Variants in MAPK14 observed in about 807,000 individuals in gnomAD.
MAPK14 encodes the protein CSAID-binding protein.
Under a neutral mutation model 49.6 loss-of-function variants are expected in MAPK14, and 16 were observed. The ratio of observed to expected loss-of-function variants is 0.32; its 90% CI spans 0.22 to 0.49. The LOEUF is 0.49. Among genes scored for constraint, MAPK14 ranks in the 20% least tolerant of loss-of-function variants. The pLI is 0.99. For synonymous variants in MAPK14, 142 were observed against 158.0 expected (o/e 0.90, Z 0.76); for missense variants, 200 against 441.2 (o/e 0.45, Z 4.90).
chr6:36,064,427 T>C (rs951015804), intron 3 of MAPK14, among the ~76,000 whole-genome samples: 1 of 152,216 alleles, frequency 6.6e-6, no homozygotes, highest in Admixed American at 6.5e-5. Flanking sequence ...CTTTTTCCTT[T>C]ATTTTACAAG....
At chr6:36,111,879 G>A (rs564779553), downstream of MAPK14, among the ~76,000 whole-genome samples, 1 of 152,144 alleles carries the variant, frequency 6.6e-6, no homozygotes, top group Non-Finnish European at 1.5e-5. Context: ...AAAGGGCCCC[G>A]GTTGTTACAT....
chr6:36,113,925 T>A (rs1480835872), downstream of MAPK14, among the ~76,000 whole-genome samples: 1 of 152,232 alleles, frequency 6.6e-6, no homozygotes, highest in Non-Finnish European at 1.5e-5. Flanking sequence ...ACCAGTACTT[T>A]GTAGCGGCAT....
intron 1 of MAPK14, among the ~76,000 whole-genome samples, chr6:36,052,389 C>T (rs1460464032): frequency 6.6e-6 from 1 of 152,162 alleles, no homozygotes; most frequent in Non-Finnish European, 1.5e-5. Flanking sequence ...CCTCATACAA[C>T]CACAGAGTTG....
the MAPK14 span, among the ~76,000 whole-genome samples, chr6:36,118,249 G>A: frequency 1.7e-4 from 26 of 152,170 alleles, no homozygotes; most frequent in Admixed American, 3.9e-4. Flanking sequence ...AAGATAATTG[G>A]AAGGCATTAT....
intron 9 of MAPK14, among the ~76,000 whole-genome samples, chr6:36,099,252 A>G (rs1765552073): frequency 6.6e-6 from 1 of 152,276 alleles, no homozygotes; most frequent in Admixed American, 6.5e-5. Flanking sequence ...TACATTGAAT[A>G]TTTTTAAAAT....
rs141740563 is a variant in MAPK14 at position 36,075,898 on chromosome 6, C to T, written c.546C>T (p.Tyr182=). The T allele has an allele frequency of 2.7e-5, 44 of 1,613,816 alleles. No homozygotes were observed. The highest frequency in any genetic ancestry group is 1.1e-4 in the East Asian group (5 of 44,886). ...ARHTDDEMTG[Y]VATRWYRAPE... The stretch of plus-strand genomic sequence containing the variant: ...ACACAGATGATGAAATGACAGGCTA[C>T]GTGGCCACTAGGTGGTACAGGGCTC... The change falls in exon 7 of 12, where the codon TAC becomes TAT. Residue 182 remains tyrosine (Y), a synonymous_variant. Transcript: ENST00000229794.
At chr6:36,038,581 A>C (rs1194703579) in intron 1 of MAPK14, among the ~76,000 whole-genome samples, 1 of 152,156 alleles carries the variant, frequency 6.6e-6, no homozygotes, top group Admixed American at 6.5e-5. Context: ...TTCCTTACCC[A>C]TTCTACCCTA....
chr6:36,054,746 G>C (rs150408196), intron 2 of MAPK14, among the ~76,000 whole-genome samples: 1 of 152,144 alleles, frequency 6.6e-6, no homozygotes, highest in Admixed American at 6.5e-5. Context: ...CAAAACTTCC[G>C]GTAAGTTTAA....
At position 36,052,810 on chromosome 6, in the gene MAPK14, A is replaced by G. The variant is rs1227984424; in HGVS notation, c.228A>G (p.Lys76=). 6.2e-7 allele frequency: 1 copy of G among 1,607,122 alleles called. No homozygotes were observed. The highest frequency in any genetic ancestry group is 1.7e-5 in the Admixed American group (1 of 58,388). The change falls in exon 2 of 12, where the codon AAA becomes AAG. Residue 76 remains lysine (K), a synonymous_variant. Coordinates refer to ENST00000229794, the MANE Select transcript of MAPK14 (RefSeq NM_139012.3). ...CCTACAGAGAACTGCGGTTACTTAA[A>G]CATATGAAACATGAAAATGTAAGTT... ...KRTYRELRLL[K]HMKHENVIGL...
rs780028000 is a variant in MAPK14 at position 36,096,069 on chromosome 6, G to A, written c.762+3G>A. 1.2e-6 allele frequency: 2 copies of A among 1,608,680 alleles called. No individual in the cohort carries two copies. The highest frequency in any genetic ancestry group is 1.7e-6 in the Non-Finnish European group (2 of 1,175,434). On this transcript the variant is annotated splice_donor_region_variant and intron_variant, in intron 9 of 11. Transcript: ENST00000229794. Reference sequence around the variant, plus strand: ...TGAAGAAAATCTCCTCAGAGTCTGTGAGTTGATGCTTTGTAATTATCTGCC... The same window carrying A: ...TGAAGAAAATCTCCTCAGAGTCTGTAAGTTGATGCTTTGTAATTATCTGCC...
chr6:36,074,562 A>T (rs1764442146), intron 6 of MAPK14, among the ~76,000 whole-genome samples: 2 of 152,148 alleles, frequency 1.3e-5, no homozygotes, highest in African/African-American at 4.8e-5. Flanking sequence ...GCACCATTTC[A>T]TTTGGCAAAA....
chr6:36,112,697 C>T (rs922969123), downstream of MAPK14, among the ~76,000 whole-genome samples: 8 of 151,884 alleles, frequency 5.3e-5, no homozygotes, highest in Non-Finnish European at 4.4e-5. Flanking sequence ...CTCAACTTTC[C>T]TTTTATTGTT....
At chr6:36,056,833 T>G (rs1763608555) in intron 2 of MAPK14, among the ~76,000 whole-genome samples, 1 of 152,200 alleles carries the variant, frequency 6.6e-6, no homozygotes, top group Non-Finnish European at 1.5e-5. Flanking sequence ...GTGAATAAAG[T>G]TAGCTTCTAG....
intron 10 of MAPK14, among the ~76,000 whole-genome samples, chr6:36,105,750 C>T (rs550904933): frequency 1.3e-5 from 2 of 152,308 alleles, no homozygotes; most frequent in East Asian, 3.9e-4. Context: ...CCAATATACA[C>T]AGCAGTAGAT....
intron 10 of MAPK14, among the ~76,000 whole-genome samples, chr6:36,103,809 A>G (rs540962542): frequency 9.2e-5 from 14 of 152,292 alleles, no homozygotes; most frequent in African/African-American, 1.9e-4. Flanking sequence ...GAGCTATGCT[A>G]TGGTAACGAG....
Position 36,076,892 on chromosome 6 carries a change from G to A in MAPK14, c.682+284G>A, listed in dbSNP as rs144970397. On this transcript the variant is annotated intron_variant, in intron 8 of 11. Coordinates refer to ENST00000229794, the MANE Select transcript of MAPK14 (RefSeq NM_139012.3). ...ATTAATCATCCCACAGCAGTTCTGA[G>A]ACCTGAGCATACTCATGAGAAACTC... 1,002 of 248,708 alleles carry A rather than the reference G, an allele frequency of 4.0e-3. 4 individuals carry two copies. Among genetic ancestry groups the A allele is most frequent in the Non-Finnish European group, 6.1e-3 (795 of 129,834 alleles). The allele number at this position is 248,708 out of a possible 1,614,324, so 15.4% of individuals were successfully genotyped here. A position where few individuals can be genotyped will look rare whatever the true frequency, so the allele number is the denominator to read the frequency against.
chr6:36,089,398 G>A (rs911876205), intron 8 of MAPK14, among the ~76,000 whole-genome samples: 2 of 152,130 alleles, frequency 1.3e-5, no homozygotes, highest in East Asian at 1.9e-4. Flanking sequence ...GGGGTCAGGC[G>A]GAGGGAACGC....
Position 36,064,380 on chromosome 6 carries a change from A to C in MAPK14, c.305+5033A>C, listed in dbSNP as rs147131398. Among the ~76,000 whole-genome samples, 57 of 151,076 alleles carry C rather than the reference A, an allele frequency of 3.8e-4. 1 individual carries two copies. The East Asian group carries it at 6.9e-3, about 18-fold the overall frequency. ...ATTTCCTCAAATTTCATGGAAACTG[A>C]ATTGTCATGAGTTAAGTGGAAATTA... On this transcript the variant is annotated intron_variant, in intron 3 of 11. Coordinates refer to ENST00000229794, the MANE Select transcript of MAPK14 (RefSeq NM_139012.3).
intron 8 of MAPK14, among the ~76,000 whole-genome samples, chr6:36,080,777 T>C (rs1444093844): frequency 1.3e-5 from 2 of 152,174 alleles, no homozygotes; most frequent in Non-Finnish European, 2.9e-5. Context: ...CCAAACTCTT[T>C]TCCATAGTGT....
Sources: allele counts gnomAD v4.1 joint callset (sites outside exome capture counted in the v4.1 genomes callset), GRCh38; gene constraint gnomAD v4.1.1; transcripts MANE v1.5; gene names NCBI Gene and HGNC (gene_info 2026-07-23, HGNC 2026-07-21).